Variants in PGM1 observed in about 807,000 individuals in gnomAD.
The protein encoded by PGM1 is phosphoglucomutase 1.
PGM1 carries 52 observed loss-of-function variants against 55.6 expected under a neutral mutation model. The observed-to-expected ratio is 0.94, with a 90% confidence interval of 0.75 to 1.18. The LOEUF (loss-of-function observed/expected upper bound fraction) is 1.18, where lower values mean the gene tolerates loss of function less well. PGM1 is among the 50% of genes most tolerant of loss of function. The probability of loss-of-function intolerance (pLI) is 0.00; values close to 1 mark genes in which losing one functional copy is unlikely to be tolerated. For missense variants in PGM1, 724 were observed against 729.3 expected, an observed-to-expected ratio of 0.99 and a Z score of 0.08; for synonymous variants, 287 against 271.7, an observed-to-expected ratio of 1.06 and a Z score of -0.55.
intron 1 of PGM1, among the ~76,000 whole-genome samples, chr1:63,601,417 C>T (rs1382686996): frequency 6.6e-5 from 10 of 152,174 alleles, no homozygotes; most frequent in Non-Finnish European, 1.5e-4. Context: ...GAAGAGCTTT[C>T]AGCAGATTGA....
chr1:63,611,852 C>T lies in PGM1; in HGVS notation c.247-17573C>T, dbSNP rs368750300. Among the ~76,000 whole-genome samples, 100 of 151,344 alleles carry T rather than the reference C, an allele frequency of 6.6e-4. 1 individual carries two copies. Among genetic ancestry groups the T allele is most frequent in the Middle Eastern group, 6.9e-3 (2 of 288 alleles). On this transcript the variant is annotated intron_variant, in intron 1 of 10. Transcript: ENST00000371084. The stretch of plus-strand genomic sequence containing the variant: ...AGGGGAGGTGGAGGTTGCAGTGAGC[C>T]GAGATTGCACCACTGCACTCCAACC...
chr1:63,646,344 C>CA (rs1437228426), intron 7 of PGM1, among the ~76,000 whole-genome samples: 4 of 151,812 alleles, frequency 2.6e-5, no homozygotes, highest in Non-Finnish European at 5.9e-5. Flanking sequence ...AGTTTAAAGG[C>CA]AAAAAAATGA....
intron 1 of PGM1, among the ~76,000 whole-genome samples, chr1:63,621,423 C>A (rs780902956): frequency 1.2e-4 from 18 of 152,122 alleles, no homozygotes; most frequent in Non-Finnish European, 1.2e-4. Context: ...ATGTGGTTGG[C>A]TGCTCTGTTA....
At chr1:63,627,251 A>G (rs1334795195) in intron 1 of PGM1, among the ~76,000 whole-genome samples, 1 of 152,128 alleles carries the variant, frequency 6.6e-6, no homozygotes, top group East Asian at 1.9e-4. Flanking sequence ...CTTCAGGTAT[A>G]TACCTAGAAG....
At chr1:63,644,471 G>A (rs1250544029) in intron 7 of PGM1, among the ~76,000 whole-genome samples, 1 of 152,290 alleles carries the variant, frequency 6.6e-6, no homozygotes, top group Admixed American at 6.5e-5. Flanking sequence ...ACTAATCCCA[G>A]TGCCCAGAGG....
At chr1:63,629,766 A>G (rs1649143497) in intron 2 of PGM1, among the ~76,000 whole-genome samples, 176 bp from the exon 3 acceptor site, 3 of 152,150 alleles carry the variant, frequency 2.0e-5, no homozygotes. Context: ...GAATATGAAG[A>G]GCCATGCGCA....
At chr1:63,632,880 G>A (rs1297322233) in intron 4 of PGM1, among the ~76,000 whole-genome samples, 7 of 152,038 alleles carry the variant, frequency 4.6e-5, no homozygotes, top group African/African-American at 9.7e-5. Context: ...AAAATTAGTC[G>A]GGTGTGGTGG....
At chr1:63,610,734 AAT>A (rs1292314852) in intron 1 of PGM1, among the ~76,000 whole-genome samples, 4 of 152,208 alleles carry the variant, frequency 2.6e-5, no homozygotes, top group Non-Finnish European at 5.9e-5. Context: ...TCAGAACAGA[AAT>A]ATCTTTCTTA....
chr1:63,635,118 C>A, intron 5 of PGM1, 99 bp downstream of exon 5: 2 of 977,280 alleles, frequency 2.0e-6, no homozygotes, highest in Non-Finnish European at 3.3e-6. Flanking sequence ...CAGGGAATAA[C>A]TGTTAAGGAT....
At chr1:63,629,333 T>C in intron 1 of PGM1, 92 bp from the exon 2 acceptor site, 1 of 1,012,810 alleles carries the variant, frequency 9.9e-7, no homozygotes, top group South Asian at 1.3e-5. Context: ...TATTATTTTT[T>C]TGTCCATCTG....
At position 63,629,503 on chromosome 1, in the gene PGM1, A is replaced by C. The variant is rs746284413; in HGVS notation, c.325A>C (p.Ile109Leu). The C allele has an allele frequency of 6.2e-7, 1 of 1,613,732 alleles. No homozygotes were observed. The highest frequency in any genetic ancestry group is 2.2e-5 in the East Asian group (1 of 44,876). Reference protein sequence around the residue: ...VSCIIRKIKAIGGIILTASHN... With the variant: ...VSCIIRKIKALGGIILTASHN... ...CTGCATCATTAGAAAAATCAAAGCC[A>C]TTGGTGGGATCATTCTGACAGCCAG... Residue 109 changes from isoleucine to leucine, a missense_variant, in exon 2 of 11, where the codon ATT becomes CTT. By Grantham distance (5) the Ile-to-Leu change is conservative. Transcript: ENST00000371084.
chr1:63,645,517 CTGT>C lies in PGM1; in HGVS notation c.1145-2997_1145-2995del, dbSNP rs1268078300. Among the ~76,000 whole-genome samples, 12 of 152,294 alleles carry C rather than the reference CTGT, an allele frequency of 7.9e-5. 3 individuals carry two copies. Among genetic ancestry groups the C allele is most frequent in the East Asian group, 1.9e-4 (1 of 5,180 alleles). On this transcript the variant is annotated intron_variant, in intron 7 of 10. Transcript: ENST00000371084. The stretch of plus-strand genomic sequence containing the variant: ...CCAGAATCTTGCTTCTCAGGATGAA[CTGT>C]TGCCAAAACATATCATTTGCAAAAG...
At chr1:63,648,448 A>C in intron 7 of PGM1, 69 bp from the exon 8 acceptor site, 1 of 1,586,292 alleles carries the variant, frequency 6.3e-7, no homozygotes, top group South Asian at 1.1e-5. Context: ...GAGCCAAACC[A>C]TATCAAGTAC....
intron 8 of PGM1, among the ~76,000 whole-genome samples, chr1:63,650,520 A>G (rs1649780580): frequency 6.6e-6 from 1 of 152,204 alleles, no homozygotes; most frequent in African/African-American, 2.4e-5. Flanking sequence ...CCCTTGATTC[A>G]TAGAATCCTG....
intron 8 of PGM1, among the ~76,000 whole-genome samples, chr1:63,650,773 A>AT (rs1278196229): frequency 6.6e-6 from 1 of 152,180 alleles, no homozygotes; most frequent in Non-Finnish European, 1.5e-5. Context: ...TCTTTATAGA[A>AT]TTTCATTTGT....
chr1:63,657,185 A>G (rs1360647183), intron 10 of PGM1, among the ~76,000 whole-genome samples: 1 of 152,230 alleles, frequency 6.6e-6, no homozygotes, highest in Non-Finnish European at 1.5e-5. Context: ...TTTTCTTTTA[A>G]CACCTAATTA....
chr1:63,629,795 A>G, intron 2 of PGM1, 147 bp from the exon 3 acceptor site: 1 of 1,053,312 alleles, frequency 9.5e-7, no homozygotes, highest in Middle Eastern at 2.1e-4. Flanking sequence ...TTAACATGAT[A>G]TTTTCTTTTA....
In PGM1 at chr1:63,648,506, C is replaced by T. The variant is rs928908154; in HGVS notation, c.1145-11C>T. ...CACGTTTCTTACAGCAGCTTGCTGT[C>T]CCCCCTCCAGGTTCTGACCACATCC... On this transcript the variant is annotated splice_polypyrimidine_tract_variant and intron_variant, in intron 7 of 10. Coordinates refer to ENST00000371084, the MANE Select transcript of PGM1 (RefSeq NM_002633.3). 3 of 1,613,654 alleles carry T rather than the reference C, an allele frequency of 1.9e-6. No individual in the cohort carries two copies. Among genetic ancestry groups the T allele is most frequent in the African/African-American group, 2.7e-5 (2 of 74,910 alleles).
intron 1 of PGM1, among the ~76,000 whole-genome samples, chr1:63,605,441 CT>C (rs1159134032): frequency 6.6e-6 from 1 of 152,166 alleles, no homozygotes; most frequent in African/African-American, 2.4e-5. Context: ...CTTGATTTCT[CT>C]ATTACTGATG....
Sources: gnomAD v4.1 joint callset for allele counts (sites outside exome capture counted in the v4.1 genomes callset) on GRCh38, gnomAD v4.1.1 for gene constraint, MANE v1.5 for transcripts, NCBI Gene and HGNC (gene_info 2026-07-23, HGNC 2026-07-21) for gene names.